ENPP3: variants seen among roughly 807,000 people sequenced by gnomAD.
ENPP3 encodes the protein ectonucleotide pyrophosphatase/phosphodiesterase 3.
Under a neutral mutation model 117.8 loss-of-function variants are expected in ENPP3, and 104 were observed. The observed-to-expected ratio is 0.88, with a 90% confidence interval of 0.75 to 1.04. The LOEUF (loss-of-function observed/expected upper bound fraction) is 1.04, where lower values mean the gene tolerates loss of function less well. ENPP3 is among the 50% of genes least tolerant of loss of function. The probability of loss-of-function intolerance (pLI) is 0.00; values close to 1 mark genes in which losing one functional copy is unlikely to be tolerated. For synonymous variants in ENPP3, 380 were observed against 349.9 expected, an observed-to-expected ratio of 1.09 and a Z score of -0.96; for missense variants, 1,026 against 1,051.9, an observed-to-expected ratio of 0.98 and a Z score of 0.34.
chr6:131,676,868 T>TCA, intron 10 of ENPP3, 67 bp downstream of exon 10: 1 of 1,053,400 alleles, frequency 9.5e-7, no homozygotes, highest in Non-Finnish European at 1.4e-6. Context: ...GAAGTTTTTT[T>TCA]TTTTTTACTT....
At chr6:131,708,892 T>C (rs1230492790) in intron 15 of ENPP3, 2 of 1,608,236 alleles carry the variant, frequency 1.2e-6, no homozygotes, top group Non-Finnish European at 8.5e-7. Context: ...GCCCCTTGTA[T>C]CCACTGGAAA....
At chr6:131,671,356 G>T (rs1778737537) in intron 7 of ENPP3, 29 bp downstream of exon 7, 3 of 1,342,756 alleles carry the variant, frequency 2.2e-6, no homozygotes, top group African/African-American at 1.4e-5. Flanking sequence ...GGTAAGACAG[G>T]CCAAAGACCA....
chr6:131,695,065 A>G (rs1449452983), intron 15 of ENPP3, among the ~76,000 whole-genome samples: 2 of 151,888 alleles, frequency 1.3e-5, no homozygotes, highest in African/African-American at 4.8e-5. Context: ...ATCGAAGTTT[A>G]TTAGCCCTTT....
At chr6:131,744,072 G>A (rs1780583693) in intron 24 of ENPP3, among the ~76,000 whole-genome samples, 2 of 152,124 alleles carry the variant, frequency 1.3e-5, no homozygotes, top group Admixed American at 6.6e-5. Flanking sequence ...ATTACACAAT[G>A]TACAGAAGTA....
chr6:131,646,930 T>G (rs1387097429), intron 2 of ENPP3, among the ~76,000 whole-genome samples: 2 of 151,920 alleles, frequency 1.3e-5, no homozygotes, highest in African/African-American at 4.8e-5. Context: ...TTTGTGGAAT[T>G]TGAGGAGATG....
chr6:131,693,693 C>A, intron 15 of ENPP3, 69 bp downstream of exon 15: 1 of 1,454,102 alleles, frequency 6.9e-7, no homozygotes, highest in South Asian at 1.2e-5. Context: ...TCTACTTAAC[C>A]TTACCCTGCT....
chr6:131,652,841 A>G lies in ENPP3; in HGVS notation c.414A>G (p.Ser138=). 1 of 1,613,478 alleles carries G rather than the reference A, an allele frequency of 6.2e-7. No individual in the cohort carries two copies. The highest frequency in any genetic ancestry group is 1.7e-4 in the Middle Eastern group (1 of 6,060). The change falls in exon 5 of 25, where the codon TCA becomes TCG. Residue 138 remains serine, a synonymous_variant. Coordinates refer to ENST00000357639, the MANE Select transcript of ENPP3 (RefSeq NM_005021.5). ...DYKSVCQGET[S]WLEENCDTAQ... is the part of the protein sequence containing the mutation. ...TCTTATGCTTTTCAGGAGAAACCTC[A>G]TGGCTGGAAGAAAACTGTGACACAG...
intron 7 of ENPP3, 26 bp downstream of exon 7, chr6:131,671,353 C>T (rs1562441242): frequency 1.4e-6 from 2 of 1,397,438 alleles, no homozygotes; most frequent in Non-Finnish European, 2.0e-6. Context: ...AGTGGTAAGA[C>T]AGGCCAAAGA....
intron 5 of ENPP3, among the ~76,000 whole-genome samples, chr6:131,656,878 T>A (rs1014005704): frequency 1.3e-4 from 20 of 152,226 alleles, no homozygotes; most frequent in African/African-American, 4.3e-4. Flanking sequence ...GTCAGCAGAA[T>A]GTAAAATGCA....
At chr6:131,679,022 CTTCCTTCTTTCT>C (rs1778952880) in intron 11 of ENPP3, among the ~76,000 whole-genome samples, 4 of 59,098 alleles carry the variant, frequency 6.8e-5, no homozygotes, top group African/African-American at 3.1e-4. Flanking sequence ...TCCTTCCTTC[CTTCCTTCTTTCT>C]TTCTTTCTTT....
chr6:131,718,125 A>G (rs1303018392), intron 15 of ENPP3, among the ~76,000 whole-genome samples: 1 of 152,206 alleles, frequency 6.6e-6, no homozygotes, highest in Admixed American at 6.5e-5. Flanking sequence ...ACTGGATTAT[A>G]ATTAACTTGC....
chr6:131,638,349 T>C, intron 1 of ENPP3: 1 of 240,904 alleles, frequency 4.2e-6, no homozygotes, highest in South Asian at 4.3e-5. Context: ...TTTATTCTCA[T>C]GAAAATTACA....
intron 6 of ENPP3, among the ~76,000 whole-genome samples, chr6:131,663,403 C>T (rs574217405): frequency 6.6e-6 from 1 of 151,544 alleles, no homozygotes; most frequent in South Asian, 2.1e-4. Context: ...ATTCCCATCA[C>T]CAGCTGGGCA....
intron 24 of ENPP3, 56 bp downstream of exon 24, chr6:131,740,436 G>T: frequency 7.4e-7 from 1 of 1,347,754 alleles, no homozygotes; most frequent in Non-Finnish European, 9.8e-7. Flanking sequence ...AGCTCATTTG[G>T]GTTCTCATAA....
At chr6:131,744,836 T>C (rs543201013) in intron 24 of ENPP3, among the ~76,000 whole-genome samples, 76 of 146,770 alleles carry the variant, frequency 5.2e-4, no homozygotes, top group African/African-American at 1.7e-3. Flanking sequence ...CACACACACA[T>C]ATAAATATCA....
intron 9 of ENPP3, 76 bp downstream of exon 9, chr6:131,675,265 A>T (rs1778842539): frequency 1.0e-6 from 1 of 991,226 alleles, no homozygotes; most frequent in Non-Finnish European, 1.6e-6. Flanking sequence ...TCTTGGTGGC[A>T]ATTCTATTAA....
At chr6:131,660,765 C>T (rs565621101) in intron 6 of ENPP3, among the ~76,000 whole-genome samples, 1 of 152,268 alleles carries the variant, frequency 6.6e-6, no homozygotes, top group South Asian at 2.1e-4. Flanking sequence ...ATCCTCTTAA[C>T]AGATTTTTCA....
Position 131,683,178 on chromosome 6 carries a change from A to G in ENPP3, c.1120+16A>G, listed in dbSNP as rs539619767. On this transcript the variant is annotated intron_variant, in intron 12 of 24. Transcript: ENST00000357639. ...GCTGACCATGGTATGCTTTTAAAAA[A>G]CATTCTTATTTTATCATTGACTATA... The G allele has an allele frequency of 1.5e-6, 2 of 1,322,732 alleles. No individual in the cohort carries two copies. The highest frequency in any genetic ancestry group is 1.5e-5 in the African/African-American group (1 of 68,620). 81.9% of individuals were successfully genotyped at this position (1,322,732 alleles called of 1,614,324 possible). A position where few individuals can be genotyped will look rare whatever the true frequency, so the allele number is the denominator to read the frequency against.
At chr6:131,644,769 G>A (rs542183416) in intron 2 of ENPP3, among the ~76,000 whole-genome samples, 1 of 152,220 alleles carries the variant, frequency 6.6e-6, no homozygotes, top group South Asian at 2.1e-4. Flanking sequence ...AGCATATGTG[G>A]GATTTAAACC....
Sources: gnomAD v4.1 joint callset for allele counts (sites outside exome capture counted in the v4.1 genomes callset) on GRCh38, gnomAD v4.1.1 for gene constraint, MANE v1.5 for transcripts, NCBI Gene and HGNC (gene_info 2026-07-23, HGNC 2026-07-21) for gene names.